The following KCNH7 variants were observed in gnomAD, a reference collection of about 807,000 sequenced individuals.
The protein encoded by KCNH7 is potassium voltage-gated channel subfamily H member 7.
Under a neutral mutation model 120.8 loss-of-function variants are expected in KCNH7, and 49 were observed. The observed-to-expected ratio is 0.41, with a 90% confidence interval of 0.32 to 0.51. The LOEUF (loss-of-function observed/expected upper bound fraction) is 0.51, where lower values mean the gene tolerates loss of function less well. Among genes scored for constraint, KCNH7 ranks in the 20% least tolerant of loss-of-function variants. The pLI, the probability that KCNH7 is intolerant of heterozygous loss-of-function variation, is 0.38. For missense variants in KCNH7, 1,097 were observed against 1,446.6 expected (o/e 0.76, Z 3.92); for synonymous variants, 547 against 516.1 (o/e 1.06, Z -0.81).
intron 6 of KCNH7, among the ~76,000 whole-genome samples, chr2:162,500,164 TTA>T (rs1008696296): frequency 3.4e-5 from 5 of 148,054 alleles, no homozygotes; most frequent in African/African-American, 4.9e-5. Flanking sequence ...TGATATACAT[TTA>T]TATGTTATAT....
chr2:162,748,834 T>TCCCCC (rs1559113781), intron 2 of KCNH7, among the ~76,000 whole-genome samples: 1 of 26,226 alleles, frequency 3.8e-5, no homozygotes. Context: ...TCCCCTCCCC[T>TCCCCC]CCTCTCCCCT....
chr2:162,674,470 T>G (rs1016177186), intron 2 of KCNH7, among the ~76,000 whole-genome samples: 2 of 151,712 alleles, frequency 1.3e-5, no homozygotes, highest in Non-Finnish European at 3.0e-5. Context: ...CCCTAACAAG[T>G]GTTCTTTGTG....
intron 2 of KCNH7, among the ~76,000 whole-genome samples, chr2:162,659,498 C>T (rs767331656): frequency 6.6e-6 from 1 of 152,022 alleles, no homozygotes; most frequent in Non-Finnish European, 1.5e-5. Flanking sequence ...TGCGCCACCA[C>T]ACCTGGCTAA....
intron 2 of KCNH7, 95 bp from the exon 3 acceptor site, chr2:162,537,175 GTA>G: frequency 1.1e-6 from 1 of 926,358 alleles, no homozygotes; most frequent in South Asian, 2.4e-5. Flanking sequence ...AAGGAAATTT[GTA>G]TCTTAAATGA....
chr2:162,758,479 C>A (rs1273232789), intron 2 of KCNH7, among the ~76,000 whole-genome samples: 1 of 151,950 alleles, frequency 6.6e-6, no homozygotes, highest in Admixed American at 6.6e-5. Flanking sequence ...TATATATACA[C>A]ACACATATTG....
At chr2:162,472,725 C>T (rs1689591898) in intron 6 of KCNH7, among the ~76,000 whole-genome samples, 1 of 152,170 alleles carries the variant, frequency 6.6e-6, no homozygotes, top group South Asian at 2.1e-4. Flanking sequence ...TTGACCCAGC[C>T]ATCCCATTAC....
At chr2:162,793,779 A>T (rs963237883) in intron 2 of KCNH7, among the ~76,000 whole-genome samples, 2 of 152,006 alleles carry the variant, frequency 1.3e-5, no homozygotes, top group Non-Finnish European at 2.9e-5. Context: ...TCAGTTATTC[A>T]GGAGAGAAAA....
chr2:162,400,522 G>T (rs1687037995), intron 9 of KCNH7, 81 bp from the exon 10 acceptor site: 43 of 1,426,872 alleles, frequency 3.0e-5, no homozygotes, highest in Non-Finnish European at 4.1e-5. Context: ...CTTGCTCACA[G>T]AACTGCAGGT....
At chr2:162,384,213 G>C (rs1435772914) in intron 13 of KCNH7, among the ~76,000 whole-genome samples, 1 of 151,524 alleles carries the variant, frequency 6.6e-6, no homozygotes, top group Admixed American at 6.6e-5. Flanking sequence ...TTTATTTCAG[G>C]GCATTTCTCC....
intron 2 of KCNH7, among the ~76,000 whole-genome samples, chr2:162,632,232 A>C (rs907541532): frequency 1.3e-5 from 2 of 151,998 alleles, no homozygotes; most frequent in Non-Finnish European, 2.9e-5. Context: ...CAATTAGAAA[A>C]TTTAATGGAA....
chr2:162,507,040 G>A (rs1049740092), intron 5 of KCNH7, among the ~76,000 whole-genome samples: 2 of 151,754 alleles, frequency 1.3e-5, no homozygotes, highest in African/African-American at 4.8e-5. Context: ...CTTTTTACAT[G>A]ATTTTAATAT....
intron 8 of KCNH7, among the ~76,000 whole-genome samples, chr2:162,431,106 A>G (rs1688050664): frequency 6.6e-6 from 1 of 152,024 alleles, no homozygotes; most frequent in Admixed American, 6.6e-5. Context: ...ATAACAATCT[A>G]TATGCATTAG....
At chr2:162,455,463 G>A (rs1206914942) in intron 6 of KCNH7, among the ~76,000 whole-genome samples, 3 of 152,170 alleles carry the variant, frequency 2.0e-5, no homozygotes, top group Non-Finnish European at 4.4e-5. Context: ...AAATGAGTTA[G>A]GGAGAAGTCC....
At chr2:162,756,446 C>G (rs551260122) in intron 2 of KCNH7, among the ~76,000 whole-genome samples, 1 of 152,028 alleles carries the variant, frequency 6.6e-6, no homozygotes, top group Non-Finnish European at 1.5e-5. Context: ...AATTTCAACT[C>G]TTTTGCTTCC....
intron 2 of KCNH7, among the ~76,000 whole-genome samples, chr2:162,610,803 G>C (rs912478278): frequency 2.6e-5 from 4 of 152,162 alleles, no homozygotes; most frequent in African/African-American, 9.7e-5. Context: ...CCACGGTAGG[G>C]AGAGAAGAAT....
At chr2:162,835,601 T>C (rs766548333) in intron 2 of KCNH7, among the ~76,000 whole-genome samples, 31 of 151,934 alleles carry the variant, frequency 2.0e-4, no homozygotes, top group Non-Finnish European at 3.8e-4. Flanking sequence ...TAGACAAATA[T>C]CATTTTGTAT....
At chr2:162,793,514 T>C (rs531990020) in intron 2 of KCNH7, among the ~76,000 whole-genome samples, 34 of 151,884 alleles carry the variant, frequency 2.2e-4, no homozygotes, top group Non-Finnish European at 4.9e-4. Context: ...AATTTAGAAA[T>C]AAATTTAACC....
intron 2 of KCNH7, among the ~76,000 whole-genome samples, chr2:162,753,028 G>GAAAAGAAAAGAAAAAA (rs1292002226): frequency 1.5e-5 from 2 of 133,480 alleles, no homozygotes; most frequent in Non-Finnish European, 1.6e-5. Flanking sequence ...GAAAAGAAAA[G>GAAAAGAAAAGAAAAAA]AAACCCTGAC....
chr2:162,790,433 T>G (rs1184733214), intron 2 of KCNH7, among the ~76,000 whole-genome samples: 1 of 152,032 alleles, frequency 6.6e-6, no homozygotes, highest in Non-Finnish European at 1.5e-5. Flanking sequence ...TACTAATTCT[T>G]CTCAAACTCT....
Sources: allele counts gnomAD v4.1 joint callset (sites outside exome capture counted in the v4.1 genomes callset), GRCh38; gene constraint gnomAD v4.1.1; transcripts MANE v1.5; gene names NCBI Gene and HGNC (gene_info 2026-07-23, HGNC 2026-07-21).